KTN1: variants seen among roughly 807,000 people sequenced by gnomAD.
KTN1 encodes the protein kinectin.
KTN1 carries 130 observed loss-of-function variants against 222.5 expected under a neutral mutation model. The observed-to-expected ratio is 0.58, with a 90% CI of 0.51 to 0.68. The LOEUF is 0.68. Among genes scored for constraint, KTN1 ranks in the 30% least tolerant of loss-of-function variants. The probability of loss-of-function intolerance (pLI) is 0.00; values close to 1 mark genes in which losing one functional copy is unlikely to be tolerated. For synonymous variants in KTN1, 512 were observed against 496.3 expected (o/e 1.03, Z -0.42); for missense variants, 1,508 against 1,500.4 (o/e 1.01, Z -0.08).
chr14:55,601,037 T>G (rs2035901498), intron 1 of KTN1, among the ~76,000 whole-genome samples: 1 of 152,216 alleles, frequency 6.6e-6, no homozygotes, highest in Non-Finnish European at 1.5e-5. Context: ...CAATTCCTTT[T>G]CAGTTTCTTG....
At chr14:55,658,941 C>T (rs2043804575) in intron 30 of KTN1, among the ~76,000 whole-genome samples, 2 of 152,092 alleles carry the variant, frequency 1.3e-5, no homozygotes, top group Non-Finnish European at 2.9e-5. Context: ...CTCTTATCTC[C>T]CCTCTTCCCA....
intron 34 of KTN1, chr14:55,668,536 G>C (rs550296072): frequency 1.3e-5 from 2 of 152,038 alleles, no homozygotes; most frequent in Non-Finnish European, 2.9e-5. Flanking sequence ...TCAGTATTTT[G>C]GGGGTAGGGT....
chr14:55,612,811 G>T (rs147988101), intron 2 of KTN1, among the ~76,000 whole-genome samples: 128 of 152,088 alleles, frequency 8.4e-4, no homozygotes, highest in Non-Finnish European at 1.2e-3. Context: ...CTAGCACATT[G>T]GGAGGCTGAA....
intron 8 of KTN1, among the ~76,000 whole-genome samples, chr14:55,634,179 C>T (rs2040853646): frequency 6.6e-6 from 1 of 152,042 alleles, no homozygotes; most frequent in East Asian, 1.9e-4. Context: ...GCTCTGAGGC[C>T]ATACTTTGAG....
chr14:55,589,956 C>T (rs2033816268), intron 1 of KTN1, among the ~76,000 whole-genome samples: 1 of 152,012 alleles, frequency 6.6e-6, no homozygotes. Context: ...TGCACCCAGC[C>T]TTATTTATCT....
chr14:55,599,016 A>AT lies in KTN1; in HGVS notation c.-30-12997dup, dbSNP rs1375418638. ...TCTTTCATATTTTCCCTTATGTATA[A>AT]TTTTTTGTGGTACATTGTCAGTTTT... On this transcript the variant is annotated intron_variant, in intron 1 of 43. Coordinates refer to ENST00000395314, the MANE Select transcript of KTN1 (RefSeq NM_001079521.2). Among the ~76,000 whole-genome samples, 5 of 151,916 alleles carry AT rather than the reference A, an allele frequency of 3.3e-5. No individual in the cohort carries two copies. The South Asian group carries it at 1.0e-3, about 32-fold the overall frequency.
chr14:55,678,577 C>A (rs994829028), intron 42 of KTN1, 133 bp downstream of exon 42: 1 of 634,948 alleles, frequency 1.6e-6, no homozygotes, highest in Non-Finnish European at 2.8e-6. Flanking sequence ...GTAGTGTTTT[C>A]ATTGATGTTT....
chr14:55,631,101 A>T (rs897582789), intron 7 of KTN1, among the ~76,000 whole-genome samples: 1 of 147,524 alleles, frequency 6.8e-6, no homozygotes. Context: ...AGACCAGTGA[A>T]TTTTTTTTTT....
intron 1 of KTN1, among the ~76,000 whole-genome samples, chr14:55,596,272 A>G (rs2035024580): frequency 6.6e-6 from 1 of 152,068 alleles, no homozygotes; most frequent in African/African-American, 2.4e-5. Flanking sequence ...AAATTCATCA[A>G]TTTTAATTTG....
intron 6 of KTN1, 135 bp downstream of exon 6, chr14:55,628,163 G>A: frequency 1.6e-6 from 1 of 607,624 alleles, no homozygotes; most frequent in South Asian, 2.0e-5. Context: ...TTAGAGTTTT[G>A]GGAGGGTAGA....
chr14:55,637,000 G>A (rs2041205785), intron 10 of KTN1, among the ~76,000 whole-genome samples, 198 bp from the exon 11 acceptor site: 1 of 152,054 alleles, frequency 6.6e-6, no homozygotes, highest in African/African-American at 2.4e-5. Flanking sequence ...TGGAGTACGT[G>A]TTATGTGTAT....
rs1357794920 is a variant in KTN1, at chr14:55,633,599, T to C, written c.1328+258T>C. On this transcript the variant is annotated intron_variant, in intron 8 of 43. Transcript: ENST00000395314. Reference sequence around the variant, plus strand: ...ATTAATATATATCATATATTACATATTTATATAAACATGTATGTGTATATT... The same window carrying C: ...ATTAATATATATCATATATTACATACTTATATAAACATGTATGTGTATATT... 2.0e-5 allele frequency among the ~76,000 whole-genome samples: 3 copies of C among 151,668 alleles called. No homozygotes were observed. The East Asian group carries it at 5.8e-4, about 29-fold the overall frequency.
At chr14:55,675,942 T>C (rs1307002055) in intron 41 of KTN1, 24 bp downstream of exon 41, 8 of 1,495,900 alleles carry the variant, frequency 5.3e-6, no homozygotes, top group Non-Finnish European at 7.4e-6. Flanking sequence ...GTCCTAGAGA[T>C]GTAGTATCAT....
intron 37 of KTN1, chr14:55,672,180 A>G (rs2045510394): frequency 1.1e-5 from 3 of 274,030 alleles, no homozygotes; most frequent in Non-Finnish European, 2.0e-5. Context: ...GTTTTAAAGT[A>G]TTTAACCCAT....
At chr14:55,628,175 A>G in intron 6 of KTN1, 147 bp downstream of exon 6, 1 of 596,398 alleles carries the variant, frequency 1.7e-6, no homozygotes. Context: ...GAGGGTAGAT[A>G]GAGCTGTCTC....
rs891196509 is a variant in KTN1, at chr14:55,619,184, A to G, written c.835A>G (p.Asn279Asp). 22 of 1,598,260 alleles carry G rather than the reference A, an allele frequency of 1.4e-5. No homozygotes were observed. The highest frequency in any genetic ancestry group is 1.9e-5 in the Non-Finnish European group (22 of 1,170,826). ...TTGTTTGTTTTTTTCAAATTAAGAA[A>G]ATGCTGAAGTGAAGTTTAAAGATTT... ...KKLKTETDKE[N>D]AEVKFKDFLL... Residue 279 changes from asparagine to aspartate, a missense_variant and splice_region_variant, in exon 5 of 44, where the codon AAT becomes GAT. Physicochemically the swap from Asn to Asp is conservative, Grantham distance 23. Transcript: ENST00000395314.
At chr14:55,588,186 C>T (rs943413343) in intron 1 of KTN1, among the ~76,000 whole-genome samples, 2 of 152,092 alleles carry the variant, frequency 1.3e-5, no homozygotes, top group Admixed American at 6.6e-5. Context: ...GTATTATATA[C>T]TGTATTCTTA....
intron 31 of KTN1, among the ~76,000 whole-genome samples, chr14:55,660,599 C>G (rs1220415999): frequency 6.6e-6 from 1 of 151,788 alleles, no homozygotes; most frequent in Non-Finnish European, 1.5e-5. Flanking sequence ...GTTTTTCCAT[C>G]TTGGTTGGTT....
chr14:55,641,543 G>C, intron 17 of KTN1, 149 bp from the exon 18 acceptor site: 1 of 680,676 alleles, frequency 1.5e-6, no homozygotes, highest in Non-Finnish European at 2.7e-6. Context: ...TGTGTCCAGT[G>C]AAATTTGAAT....
Sources: allele counts gnomAD v4.1 joint callset (sites outside exome capture counted in the v4.1 genomes callset), GRCh38; gene constraint gnomAD v4.1.1; transcripts MANE v1.5; gene names NCBI Gene and HGNC (gene_info 2026-07-23, HGNC 2026-07-21).